H2AC1: variants seen among roughly 807,000 people sequenced by gnomAD.
H2AC1 encodes H2A clustered histone 1.
For missense variants in H2AC1, 218 were observed against 173.8 expected (o/e 1.25, Z -1.43); for synonymous variants, 145 against 70.0 (o/e 2.07, Z -5.35).
Position 25,726,560 on chromosome 6 carries a change from C to G in H2AC1, c.-33G>C. On this transcript the variant is annotated 5_prime_UTR_variant, in exon 1 of 1. Coordinates refer to ENST00000297012, the MANE Select transcript of H2AC1 (RefSeq NM_170745.3). ...CATCAAATTGCAGCAACACGAGAAC[C>G]ACATTTCTAGGGCTGCTACTGGGCC... 6.3e-6 allele frequency: 10 copies of G among 1,584,550 alleles called. No homozygotes were observed. Among genetic ancestry groups the G allele is most frequent in the Non-Finnish European group, 8.6e-6 (10 of 1,162,366 alleles).
Position 25,726,246 on chromosome 6 carries a change from G to A in H2AC1, c.282C>T (p.Leu94=), listed in dbSNP as rs1212005427. 1 of 1,613,906 alleles carries A rather than the reference G, an allele frequency of 6.2e-7. No individual in the cohort carries two copies. The highest frequency in any genetic ancestry group is 1.7e-5 in the Admixed American group (1 of 60,022). Residue 94 remains leucine (L), a synonymous_variant, in exon 1 of 1, where the codon CTC becomes CTT. Transcript: ENST00000297012. ...LQLAIRNDEE[L]NKLLGGVTIA... is the part of the protein sequence containing the mutation. Reference sequence around the variant, plus strand: ...TGGTCACGCCGCCCAAAAGCTTATTGAGTTCCTCATCATTGCGGATCGCTA... The same window carrying A: ...TGGTCACGCCGCCCAAAAGCTTATTAAGTTCCTCATCATTGCGGATCGCTA...
chr6:25,726,560 C>A lies in H2AC1; in HGVS notation c.-33G>T. The A allele has an allele frequency of 6.3e-7, 1 of 1,584,548 alleles. No individual in the cohort carries two copies. Among genetic ancestry groups the A allele is most frequent in the Non-Finnish European group, 8.6e-7 (1 of 1,162,364 alleles). ...CATCAAATTGCAGCAACACGAGAAC[C>A]ACATTTCTAGGGCTGCTACTGGGCC... On this transcript the variant is annotated 5_prime_UTR_variant, in exon 1 of 1. Coordinates refer to ENST00000297012, the MANE Select transcript of H2AC1 (RefSeq NM_170745.3).
In H2AC1 at chr6:25,726,298, G is replaced by A. The variant is rs1191416634; in HGVS notation, c.230C>T (p.Thr77Ile). Residue 77 changes from threonine to isoleucine, a missense_variant, in exon 1 of 1, where the codon ACT (threonine) becomes ATT (isoleucine). Transcript: ENST00000297012. ...CTGCAGGTGGCGGGGAATAATGCGAGTTTTTTTGTTATCGCGAGACGCATT... is the reference window on the plus strand; with the variant it reads ...CTGCAGGTGGCGGGGAATAATGCGAATTTTTTTGTTATCGCGAGACGCATT... ...AGNASRDNKK[T>I]RIIPRHLQLA... 1.3e-5 allele frequency: 21 copies of A among 1,613,986 alleles called. No individual in the cohort carries two copies. Among genetic ancestry groups the A allele is most frequent in the Non-Finnish European group, 2.5e-6 (3 of 1,179,992 alleles).
Position 25,726,274 on chromosome 6 carries a change from T to C in H2AC1, c.254A>G (p.Gln85Arg). ...TTCCTCATCATTGCGGATCGCTAGC[T>C]GCAGGTGGCGGGGAATAATGCGAGT... ...KKTRIIPRHLQLAIRNDEELN... is the reference protein window; with the variant it reads ...KKTRIIPRHLRLAIRNDEELN... Residue 85 changes from glutamine to arginine, a missense_variant, in exon 1 of 1, where the codon CAG (glutamine) becomes CGG (arginine). Transcript: ENST00000297012. 2 of 1,614,136 alleles carry C rather than the reference T, an allele frequency of 1.2e-6. No homozygotes were observed. The highest frequency in any genetic ancestry group is 1.7e-6 in the Non-Finnish European group (2 of 1,179,978).
Position 25,726,114 on chromosome 6 carries a change from A to G in H2AC1, c.*18T>C. On this transcript the variant is annotated 3_prime_UTR_variant, in exon 1 of 1. Transcript: ENST00000297012. ...TTTTTTCTGACACAGAAGTCTTTTT[A>G]CCAATGACAACCTTAAGTTACTTGC... is the stretch of plus-strand genomic sequence containing the variant. 1.3e-6 allele frequency: 2 copies of G among 1,505,830 alleles called. No homozygotes were observed. The highest frequency in any genetic ancestry group is 2.8e-5 in the South Asian group (2 of 71,666). The allele number at this position is 1,505,830 out of a possible 1,614,324, so 93.3% of individuals were successfully genotyped here. A position where few individuals can be genotyped will look rare whatever the true frequency, so the allele number is the denominator to read the frequency against.
At position 25,726,131 on chromosome 6, in the gene H2AC1, G is replaced by C. The variant is rs745792343; in HGVS notation, c.*1C>G. 2.6e-6 allele frequency: 4 copies of C among 1,524,036 alleles called. No homozygotes were observed. The highest frequency in any genetic ancestry group is 1.3e-5 in the South Asian group (1 of 76,024). 94.4% of individuals were successfully genotyped at this position (1,524,036 alleles called of 1,614,324 possible). ...GTCTTTTTACCAATGACAACCTTAA[G>C]TTACTTGCTTTGGGCTTTATGGTGG... On this transcript the variant is annotated 3_prime_UTR_variant, in exon 1 of 1. Coordinates refer to ENST00000297012, the MANE Select transcript of H2AC1 (RefSeq NM_170745.3).
In H2AC1 at chr6:25,726,546, A is replaced by T. The variant is rs4711095; in HGVS notation, c.-19T>A. ...CAGACATCTCCTCGCATCAAATTGC[A>T]GCAACACGAGAACCACATTTCTAGG... is the stretch of plus-strand genomic sequence containing the variant. On this transcript the variant is annotated 5_prime_UTR_variant, in exon 1 of 1. Coordinates refer to ENST00000297012, the MANE Select transcript of H2AC1 (RefSeq NM_170745.3). 9.7e-5 allele frequency: 155 copies of T among 1,594,278 alleles called. No individual in the cohort carries two copies. Among genetic ancestry groups the T allele is most frequent in the Non-Finnish European group, 1.2e-4 (144 of 1,167,262 alleles).
rs139734927 is a variant in H2AC1 at position 25,726,497 on chromosome 6, C to T, written c.31G>A (p.Ala11Thr). ...GAGCGAGACTTAGACTTGGCGCGTGCTTTTCCTCCCTGCTTCCCTCGTCCA... is the reference window on the plus strand; with the variant it reads ...GAGCGAGACTTAGACTTGGCGCGTGTTTTTCCTCCCTGCTTCCCTCGTCCA... MSGRGKQGGK[A>T]RAKSKSRSSR... is the part of the protein sequence containing the mutation. Residue 11 changes from alanine (A) to threonine (T), a missense_variant, in exon 1 of 1, where the codon GCA becomes ACA. Coordinates refer to ENST00000297012, the MANE Select transcript of H2AC1 (RefSeq NM_170745.3). 7.4e-5 allele frequency: 119 copies of T among 1,611,592 alleles called. No individual in the cohort carries two copies. In the African/African-American group the frequency reaches 1.3e-3, roughly 18 times the overall value.
At position 25,726,521 on chromosome 6, in the gene H2AC1, C is replaced by T; in HGVS notation, c.7G>A (p.Gly3Arg). ...GCTTTTCCTCCCTGCTTCCCTCGTC[C>T]AGACATCTCCTCGCATCAAATTGCA... MS[G>R]RGKQGGKARA... Residue 3 changes from glycine to arginine, a missense_variant, in exon 1 of 1, where the codon GGA becomes AGA. Coordinates refer to ENST00000297012, the MANE Select transcript of H2AC1 (RefSeq NM_170745.3). The T allele has an allele frequency of 6.2e-7, 1 of 1,607,814 alleles. No homozygotes were observed. Among genetic ancestry groups the T allele is most frequent in the Non-Finnish European group, 8.5e-7 (1 of 1,175,526 alleles).
Position 25,726,278 on chromosome 6 carries a change from G to A in H2AC1, c.250C>T (p.Leu84=), listed in dbSNP as rs143443930. 2.0e-4 allele frequency: 322 copies of A among 1,614,096 alleles called. No individual in the cohort carries two copies. The African/African-American group carries it at 3.2e-3, about 16-fold the overall frequency. ...NKKTRIIPRH[L]QLAIRNDEEL... ...TCATCATTGCGGATCGCTAGCTGCA[G>A]GTGGCGGGGAATAATGCGAGTTTTT... Residue 84 remains leucine, a synonymous_variant, in exon 1 of 1, where the codon CTG becomes TTG. Transcript: ENST00000297012.
In H2AC1 at chr6:25,726,353, G is replaced by A. The variant is rs1487833840; in HGVS notation, c.175C>T (p.Leu59Phe). Residue 59 changes from leucine to phenylalanine, a missense_variant, in exon 1 of 1, where the codon CTC becomes TTC. Transcript: ENST00000297012. The stretch of plus-strand genomic sequence containing the variant: ...GCCAGCTCAAGGATTTCTGCTGTGA[G>A]ATACTCTAACACTGCCGCCAAATAC... ...PVYLAAVLEY[L>F]TAEILELAGN... The A allele has an allele frequency of 3.7e-6, 6 of 1,614,060 alleles. No homozygotes were observed. The highest frequency in any genetic ancestry group is 1.1e-5 in the South Asian group (1 of 91,084).
chr6:25,726,376 T>A lies in H2AC1; in HGVS notation c.152A>T (p.Tyr51Phe), dbSNP rs1433582132. ...AERIGAGAPV[Y>F]LAAVLEYLTA... ...GAGATACTCTAACACTGCCGCCAAA[T>A]ACACTGGTGCGCCTGCCCCTATCCG... is the stretch of plus-strand genomic sequence containing the variant. The change falls in exon 1 of 1, where the codon TAT becomes TTT. Residue 51 changes from tyrosine to phenylalanine, a missense_variant. Tyr to Phe is a conservative substitution (Grantham distance 22). Coordinates refer to ENST00000297012, the MANE Select transcript of H2AC1 (RefSeq NM_170745.3). 17 of 1,614,024 alleles carry A rather than the reference T, an allele frequency of 1.1e-5. No individual in the cohort carries two copies. The highest frequency in any genetic ancestry group is 1.3e-5 in the African/African-American group (1 of 74,916).
At position 25,726,133 on chromosome 6, in the gene H2AC1, T is replaced by C. The variant is rs756179010; in HGVS notation, c.395A>G (p.Ter132=). 6.6e-7 allele frequency: 1 copy of C among 1,524,618 alleles called. No homozygotes were observed. The allele number at this position is 1,524,618 out of a possible 1,614,324, so 94.4% of individuals were successfully genotyped here. A position where few individuals can be genotyped will look rare whatever the true frequency, so the allele number is the denominator to read the frequency against. ...ESHHHKAQSK[*] The stretch of plus-strand genomic sequence containing the variant: ...CTTTTTACCAATGACAACCTTAAGT[T>C]ACTTGCTTTGGGCTTTATGGTGGTG... Residue 132 remains the stop codon, a stop_retained_variant, in exon 1 of 1, where the codon TAA becomes TGA. Transcript: ENST00000297012.
rs923395168 is a variant in H2AC1, at chr6:25,726,074, G to A, written c.*58C>T. On this transcript the variant is annotated 3_prime_UTR_variant, in exon 1 of 1. Transcript: ENST00000297012. ...TTTTTCTGAGACGGTAGGTGGCTCT[G>A]AAAAGAGCCTTTTGTTTTTTCTGAC... The A allele has an allele frequency of 1.7e-5, 24 of 1,453,396 alleles. No homozygotes were observed. In the East Asian group the frequency reaches 3.7e-4, roughly 23 times the overall value. 90.0% of individuals were successfully genotyped at this position (1,453,396 alleles called of 1,614,324 possible).
In H2AC1 at chr6:25,726,462, C is replaced by G. The variant is rs199903073; in HGVS notation, c.66G>C (p.Ala22=). 1 of 1,613,948 alleles carries G rather than the reference C, an allele frequency of 6.2e-7. No individual in the cohort carries two copies. The highest frequency in any genetic ancestry group is 2.2e-5 in the East Asian group (1 of 44,880). ...TCCGGCCTACGGGAAACTGCAAACC[C>G]GCTCTAGAAGAGCGAGACTTAGACT... The part of the protein sequence containing the change: ...RAKSKSRSSR[A]GLQFPVGRIH... The change falls in exon 1 of 1, where the codon GCG becomes GCC. Residue 22 remains alanine, a synonymous_variant. Coordinates refer to ENST00000297012, the MANE Select transcript of H2AC1 (RefSeq NM_170745.3).
Position 25,726,476 on chromosome 6 carries a change from G to C in H2AC1, c.52C>G (p.Arg18Gly), listed in dbSNP as rs760883903. 1.2e-5 allele frequency: 20 copies of C among 1,613,744 alleles called. No individual in the cohort carries two copies. In the South Asian group the frequency reaches 2.2e-4, roughly 18 times the overall value. Reference sequence around the variant, plus strand: ...AACTGCAAACCCGCTCTAGAAGAGCGAGACTTAGACTTGGCGCGTGCTTTT... The same window carrying C: ...AACTGCAAACCCGCTCTAGAAGAGCCAGACTTAGACTTGGCGCGTGCTTTT... ...GGKARAKSKSRSSRAGLQFPV... is the reference protein window; with the variant it reads ...GGKARAKSKSGSSRAGLQFPV... The change falls in exon 1 of 1, where the codon CGC becomes GGC. Residue 18 changes from arginine to glycine, a missense_variant. Arg to Gly is a moderately radical substitution (Grantham distance 125). Transcript: ENST00000297012.
At position 25,726,207 on chromosome 6, in the gene H2AC1, T is replaced by C; in HGVS notation, c.321A>G (p.Gly107=). The C allele has an allele frequency of 6.2e-7, 1 of 1,608,738 alleles. No individual in the cohort carries two copies. Among genetic ancestry groups the C allele is most frequent in the Non-Finnish European group, 8.5e-7 (1 of 1,176,330 alleles). ...LLGGVTIAQG[G]VLPNIQAVLL... ...GCACTGCCTGAATGTTAGGCAGGAC[T>C]CCGCCCTGGGCAATGGTCACGCCGC... The change falls in exon 1 of 1, where the codon GGA becomes GGG. Residue 107 remains glycine (G), a synonymous_variant. Coordinates refer to ENST00000297012, the MANE Select transcript of H2AC1 (RefSeq NM_170745.3).
chr6:25,726,432 A>C lies in H2AC1; in HGVS notation c.96T>G (p.His32Gln), dbSNP rs745544971. ...AGLQFPVGRIHRLLRKGNYAE... is the reference protein window; with the variant it reads ...AGLQFPVGRIQRLLRKGNYAE... Reference sequence around the variant, plus strand: ...CATAGTTTCCCTTACGAAGCAGACGATGGATCCGGCCTACGGGAAACTGCA... The same window carrying C: ...CATAGTTTCCCTTACGAAGCAGACGCTGGATCCGGCCTACGGGAAACTGCA... The change falls in exon 1 of 1, where the codon CAT (histidine) becomes CAG (glutamine). Residue 32 changes from histidine to glutamine, a missense_variant. His to Gln is a conservative substitution (Grantham distance 24). Transcript: ENST00000297012. 1.2e-6 allele frequency: 2 copies of C among 1,614,054 alleles called. No homozygotes were observed. Among genetic ancestry groups the C allele is most frequent in the Admixed American group, 1.7e-5 (1 of 60,014 alleles).
At position 25,726,549 on chromosome 6, in the gene H2AC1, AAC is replaced by A; in HGVS notation, c.-24_-23del. 1 of 1,591,800 alleles carries A rather than the reference AAC, an allele frequency of 6.3e-7. No homozygotes were observed. The highest frequency in any genetic ancestry group is 8.6e-7 in the Non-Finnish European group (1 of 1,166,060). The stretch of plus-strand genomic sequence containing the variant: ...ACATCTCCTCGCATCAAATTGCAGC[AAC>A]ACGAGAACCACATTTCTAGGGCTGC... On this transcript the variant is annotated 5_prime_UTR_variant, in exon 1 of 1. Transcript: ENST00000297012.
Sources: gnomAD v4.1 joint callset for allele counts on GRCh38, gnomAD v4.1.1 for gene constraint, MANE v1.5 for transcripts, NCBI Gene and HGNC (gene_info 2026-07-23, HGNC 2026-07-21) for gene names.